Variants in MAPT observed in about 807,000 individuals in gnomAD.
MAPT encodes microtubule-associated protein tau.
Under a neutral mutation model 67.9 loss-of-function variants are expected in MAPT, and 34 were observed. The ratio of observed to expected loss-of-function variants is 0.50; its 90% CI spans 0.38 to 0.67. The LOEUF (loss-of-function observed/expected upper bound fraction) is 0.67, where lower values mean the gene tolerates loss of function less well. MAPT is among the 30% of genes least tolerant of loss of function. The probability of loss-of-function intolerance (pLI) is 0.00; values close to 1 mark genes in which losing one functional copy is unlikely to be tolerated. For synonymous variants in MAPT, 456 were observed against 464.5 expected (o/e 0.98, Z 0.23); for missense variants, 881 against 1,115.2 (o/e 0.79, Z 2.99).
In MAPT at chr17:45,915,551, TTG is replaced by T. The variant is rs1249824783; in HGVS notation, c.-18+20874_-18+20875del. ...TGTGTGGTGTGTGTGAGCATGTGTGTTGTGTGTGTGGTGCATGTGTGTGGCGT... is the reference window on the plus strand; with the variant it reads ...TGTGTGGTGTGTGTGAGCATGTGTGTTGTGTGTGGTGCATGTGTGTGGCGT... On this transcript the variant is annotated intron_variant, in intron 1 of 12. Coordinates refer to ENST00000262410, the MANE Select transcript of MAPT (RefSeq NM_001377265.1). The surrounding 1 kb of genome is among the most constrained non-coding windows in gnomAD (Gnocchi z 4.4). Among the ~76,000 whole-genome samples the T allele has an allele frequency of 4.0e-5, 6 of 149,444 alleles. No individual in the cohort carries two copies. The highest frequency in any genetic ancestry group is 4.3e-4 in the South Asian group (2 of 4,668).
At chr17:46,004,768 T>A (rs902971865) in intron 9 of MAPT, among the ~76,000 whole-genome samples, 7 of 152,130 alleles carry the variant, frequency 4.6e-5, no homozygotes, top group Admixed American at 6.5e-5. Context: ...GGAAAAAAAA[T>A]TTCTTTTTTG....
intron 9 of MAPT, among the ~76,000 whole-genome samples, chr17:46,003,732 AGATG>A (rs2075211528): frequency 2.6e-5 from 4 of 152,092 alleles, no homozygotes; most frequent in Non-Finnish European, 5.9e-5. Context: ...GCTTGGGCTG[AGATG>A]TCAGACCCCA....
chr17:45,959,894 A>T (rs563532273), intron 1 of MAPT, among the ~76,000 whole-genome samples: 1 of 152,356 alleles, frequency 6.6e-6, no homozygotes, highest in Admixed American at 6.5e-5. Flanking sequence ...ATGGTTAGGA[A>T]AATATGGTAC....
rs985843982 is a variant in MAPT, at chr17:45,915,261, T to C, written c.-18+20575T>C. Among the ~76,000 whole-genome samples, 2 of 150,594 alleles carry C rather than the reference T, an allele frequency of 1.3e-5. No individual in the cohort carries two copies. The highest frequency in any genetic ancestry group is 4.9e-5 in the African/African-American group (2 of 40,874). ...GGTGAGTGTGTGTGGTGTGTAAGCA[T>C]GAGTGTGTATGTGTGTGGTGTGGGG... is the stretch of plus-strand genomic sequence containing the variant. On this transcript the variant is annotated intron_variant, in intron 1 of 12. Coordinates refer to ENST00000262410, the MANE Select transcript of MAPT (RefSeq NM_001377265.1). The surrounding 1 kb of genome is among the most constrained non-coding windows in gnomAD (Gnocchi z 4.4).
intron 1 of MAPT, among the ~76,000 whole-genome samples, chr17:45,932,633 A>G: frequency 6.6e-6 from 1 of 151,828 alleles, no homozygotes; most frequent in Admixed American, 6.6e-5. Flanking sequence ...CTCTCAAAAT[A>G]AATACGTGTG....
In MAPT at chr17:46,024,585, G is replaced by T; in HGVS notation, c.*414G>T. 1 of 300,588 alleles carries T rather than the reference G, an allele frequency of 3.3e-6. No individual in the cohort carries two copies. Among genetic ancestry groups the T allele is most frequent in the Admixed American group, 4.6e-5 (1 of 21,536 alleles). 18.6% of individuals were successfully genotyped at this position (300,588 alleles called of 1,614,324 possible). A position where few individuals can be genotyped will look rare whatever the true frequency, so the allele number is the denominator to read the frequency against. ...AACCACCTCTGGCCCTGTTGTGGGGGTGTCACAGAGGCAGTGGCAGCAACA... is the reference window on the plus strand; with the variant it reads ...AACCACCTCTGGCCCTGTTGTGGGGTTGTCACAGAGGCAGTGGCAGCAACA... On this transcript the variant is annotated 3_prime_UTR_variant, in exon 13 of 13. Coordinates refer to ENST00000262410, the MANE Select transcript of MAPT (RefSeq NM_001377265.1).
At chr17:45,968,981 G>A (rs75497022) in intron 2 of MAPT, among the ~76,000 whole-genome samples, 7 of 152,188 alleles carry the variant, frequency 4.6e-5, no homozygotes, top group Non-Finnish European at 7.3e-5. Context: ...TAGGTAATTC[G>A]CTCAGCCTCA....
At chr17:45,964,388 CCTT>C (rs757430392) in intron 2 of MAPT, among the ~76,000 whole-genome samples, 11 of 133,432 alleles carry the variant, frequency 8.2e-5, no homozygotes, top group Middle Eastern at 4.8e-3. Context: ...TCCTTTGAAT[CCTT>C]CTTAGAGGCC....
At chr17:45,991,427 G>A in intron 7 of MAPT, 33 bp from the exon 8 acceptor site, 3 of 1,614,012 alleles carry the variant, frequency 1.9e-6, no homozygotes, top group Non-Finnish European at 2.5e-6. Context: ...TTTCCCAATG[G>A]TGAAAAACCC....
At chr17:45,941,127 C>T (rs544508391) in intron 1 of MAPT, among the ~76,000 whole-genome samples, 1 of 152,340 alleles carries the variant, frequency 6.6e-6, no homozygotes, top group Admixed American at 6.5e-5. Flanking sequence ...CCAGCTTCTG[C>T]AGGCCAGCTG....
At chr17:45,993,469 A>G (rs1289900363) in intron 8 of MAPT, among the ~76,000 whole-genome samples, 1 of 152,136 alleles carries the variant, frequency 6.6e-6, no homozygotes, top group African/African-American at 2.4e-5. Flanking sequence ...GCTGAAGTGC[A>G]GTGGCACAAT....
chr17:45,949,080 G>A (rs375882084), intron 1 of MAPT, among the ~76,000 whole-genome samples: 54 of 152,368 alleles, frequency 3.5e-4, no homozygotes, highest in South Asian at 2.3e-3. Context: ...TCACAAGGCT[G>A]TGCAGCCTTC....
chr17:45,896,381 C>T lies in MAPT; in HGVS notation c.-18+1695C>T, dbSNP rs1000514923. 6.6e-6 allele frequency: 1 copy of T among 152,318 alleles called. No homozygotes were observed. Among genetic ancestry groups the T allele is most frequent in the Non-Finnish European group, 1.5e-5 (1 of 68,134 alleles). 9.4% of individuals were successfully genotyped at this position (152,318 alleles called of 1,614,324 possible). On this transcript the variant is annotated intron_variant, in intron 1 of 12. Transcript: ENST00000262410. This position sits in a 1 kb window ranked among gnomAD's most constrained non-coding sequence, Gnocchi z 5.6. ...ACCCATCCGGGGATGGGTGGGGAGC[C>T]CTGGCGGGGCCTCTCCGGCTTTACG...
chr17:45,941,696 TTCCTGCCTG>T lies in MAPT; in HGVS notation c.-17-20624_-17-20616del, dbSNP rs1568207852. Among the ~76,000 whole-genome samples the T allele has an allele frequency of 2.0e-3, 19 of 9,692 alleles. 1 individual carries two copies. Among genetic ancestry groups the T allele is most frequent in the East Asian group, 5.9e-3 (1 of 170 alleles). 6.4% of individuals were successfully genotyped at this position (9,692 alleles called of 152,430 possible). On this transcript the variant is annotated intron_variant, in intron 1 of 12. Coordinates refer to ENST00000262410, the MANE Select transcript of MAPT (RefSeq NM_001377265.1). ...CCCCCTTCCCTCCTTCCTTCCTTCC[TTCCTGCCTG>T]CCTTCCTTCCTTCCTTCCTTCCTTC... is the stretch of plus-strand genomic sequence containing the variant.
intron 2 of MAPT, chr17:45,969,237 G>A (rs557921707): frequency 6.6e-6 from 1 of 152,370 alleles, no homozygotes; most frequent in East Asian, 1.9e-4. Flanking sequence ...TGGGAAGACT[G>A]GAGAGGCTTT....
At chr17:45,932,678 C>G (rs2144716393) in intron 1 of MAPT, among the ~76,000 whole-genome samples, 1 of 149,478 alleles carries the variant, frequency 6.7e-6, no homozygotes, top group East Asian at 2.0e-4. Flanking sequence ...AACTGTATAA[C>G]TAGAAGTTCT....
Position 45,915,517 on chromosome 17 carries a change from ATGTGTC to A in MAPT, c.-18+20837_-18+20842del, listed in dbSNP as rs2065140309. On this transcript the variant is annotated intron_variant, in intron 1 of 12. Transcript: ENST00000262410. The surrounding 1 kb of genome is among the most constrained non-coding windows in gnomAD (Gnocchi z 4.4). ...TGTGGTGTGTGAGCATGTGTGTGTG[ATGTGTC>A]TGTGTGTGGTGTGTGTGAGCATGTG... Among the ~76,000 whole-genome samples the A allele has an allele frequency of 7.3e-6, 1 of 137,190 alleles. No individual in the cohort carries two copies. The highest frequency in any genetic ancestry group is 2.4e-4 in the South Asian group (1 of 4,194). 90.0% of individuals were successfully genotyped at this position (137,190 alleles called of 152,430 possible).
intron 1 of MAPT, among the ~76,000 whole-genome samples, chr17:45,909,716 T>C (rs1278549992): frequency 6.6e-6 from 1 of 151,756 alleles, no homozygotes; most frequent in Non-Finnish European, 1.5e-5. Context: ...ACTAAAAACA[T>C]AAAAATTAGC....
chr17:45,946,615 A>AAAAAAAAAAAAAT, intron 1 of MAPT, among the ~76,000 whole-genome samples: 21 of 100,400 alleles, frequency 2.1e-4, no homozygotes, highest in African/African-American at 8.3e-4. Flanking sequence ...AAAAAAAAAA[A>AAAAAAAAAAAAAT]ATATATATAT....
Sources: allele counts gnomAD v4.1 joint callset (sites outside exome capture counted in the v4.1 genomes callset), GRCh38; gene constraint gnomAD v4.1.1; non-coding constraint Gnocchi (gnomAD v3.1); transcripts MANE v1.5; gene names NCBI Gene and HGNC (gene_info 2026-07-23, HGNC 2026-07-21).